Variants in CTNND2 observed in about 807,000 individuals in gnomAD.
CTNND2 encodes catenin delta 2.
In CTNND2, 22 loss-of-function variants were observed where a neutral mutation model predicts 144.4. The ratio of observed to expected loss-of-function variants is 0.15; its 90% CI spans 0.11 to 0.22. CTNND2 has a LOEUF of 0.22. Among genes scored for constraint, CTNND2 ranks in the 10% least tolerant of loss-of-function variants. CTNND2 has a pLI of 1.00. For synonymous variants in CTNND2, 751 were observed against 695.6 expected (o/e 1.08, Z -1.25); for missense variants, 1,353 against 1,618.8 (o/e 0.84, Z 2.82).
intron 16 of CTNND2, among the ~76,000 whole-genome samples, chr5:11,062,019 T>C (rs1747044409): frequency 6.6e-6 from 1 of 152,224 alleles, no homozygotes; most frequent in South Asian, 2.1e-4. Context: ...TGTTTGCTTA[T>C]TTTTGAGACT....
rs183186755 is a variant in CTNND2 at position 11,881,185 on chromosome 5, T to C, written c.37+22632A>G. 5.0e-3 allele frequency among the ~76,000 whole-genome samples: 766 copies of C among 152,084 alleles called. 7 individuals are homozygous for C. The highest frequency in any genetic ancestry group is 0.018 in the African/African-American group (741 of 41,520). ...ATTTTTAATTGCCACCTAAGAATTATACATATTTATGGCATACACGTGCTA... is the reference window on the plus strand; with the variant it reads ...ATTTTTAATTGCCACCTAAGAATTACACATATTTATGGCATACACGTGCTA... On this transcript the variant is annotated intron_variant, in intron 1 of 21. Coordinates refer to ENST00000304623, the MANE Select transcript of CTNND2 (RefSeq NM_001332.4).
chr5:11,592,903 T>C (rs1182246899), intron 2 of CTNND2, among the ~76,000 whole-genome samples: 1 of 149,808 alleles, frequency 6.7e-6, no homozygotes, highest in Non-Finnish European at 1.5e-5. Flanking sequence ...GGTATCCACA[T>C]AAGGAGAGAC....
At chr5:11,601,214 T>A (rs1023566912) in intron 2 of CTNND2, among the ~76,000 whole-genome samples, 3 of 152,200 alleles carry the variant, frequency 2.0e-5, no homozygotes, top group Non-Finnish European at 2.9e-5. Context: ...GCAAAATATT[T>A]GAGAACAACA....
intron 10 of CTNND2, among the ~76,000 whole-genome samples, chr5:11,212,999 A>T (rs1362727903): frequency 6.6e-6 from 1 of 152,244 alleles, no homozygotes; most frequent in Non-Finnish European, 1.5e-5. Flanking sequence ...GAGCTGGTTC[A>T]AAAGAAGGAA....
intron 3 of CTNND2, among the ~76,000 whole-genome samples, chr5:11,495,815 A>C (rs1191015530): frequency 1.3e-5 from 2 of 152,152 alleles, no homozygotes. Flanking sequence ...GCTCTTGCTG[A>C]CATCTGAGGA....
At chr5:11,744,408 A>G (rs1341680472) in intron 1 of CTNND2, among the ~76,000 whole-genome samples, 1 of 152,162 alleles carries the variant, frequency 6.6e-6, no homozygotes, top group East Asian at 1.9e-4. Context: ...CAGATCTCTC[A>G]ACAGCAATCA....
intron 15 of CTNND2, among the ~76,000 whole-genome samples, chr5:11,088,268 T>G (rs1351488287): frequency 6.6e-6 from 1 of 152,156 alleles, no homozygotes; most frequent in Non-Finnish European, 1.5e-5. Context: ...GTAACAGTGA[T>G]GCATGAATAC....
intron 9 of CTNND2, among the ~76,000 whole-genome samples, chr5:11,273,204 C>T (rs1232777172): frequency 3.3e-5 from 5 of 152,216 alleles, no homozygotes; most frequent in African/African-American, 1.2e-4. Flanking sequence ...TCTGGCCCTT[C>T]ACAGAACATT....
intron 2 of CTNND2, among the ~76,000 whole-genome samples, chr5:11,581,316 C>A (rs1209348902): frequency 6.6e-6 from 1 of 152,120 alleles, no homozygotes; most frequent in East Asian, 1.9e-4. Flanking sequence ...CTGTATCAAA[C>A]ATATGCATAT....
intron 3 of CTNND2, among the ~76,000 whole-genome samples, chr5:11,430,018 G>A (rs1051774843): frequency 5.9e-5 from 9 of 152,006 alleles, no homozygotes; most frequent in Non-Finnish European, 1.0e-4. Flanking sequence ...TTGGGAGGCC[G>A]AGGTGGGTGG....
intron 20 of CTNND2, chr5:10,986,585 C>G (rs1179990968): frequency 2.2e-6 from 1 of 452,422 alleles, no homozygotes; most frequent in Non-Finnish European, 4.4e-6. Context: ...TTCTTTGTTC[C>G]TGTTCATCTA....
At chr5:11,721,223 T>C (rs984327931) in intron 2 of CTNND2, among the ~76,000 whole-genome samples, 4 of 152,198 alleles carry the variant, frequency 2.6e-5, no homozygotes, top group Non-Finnish European at 4.4e-5. Flanking sequence ...GAAAAGACCA[T>C]ATATTTATAA....
intron 14 of CTNND2, among the ~76,000 whole-genome samples, chr5:11,106,956 A>G (rs1752484069): frequency 6.6e-6 from 1 of 152,146 alleles, no homozygotes. Flanking sequence ...AATCGTGACC[A>G]TGGGGAGGAA....
At chr5:11,125,251 G>C (rs1019525288) in intron 12 of CTNND2, among the ~76,000 whole-genome samples, 1 of 152,152 alleles carries the variant, frequency 6.6e-6, no homozygotes, top group African/African-American at 2.4e-5. Context: ...GAGGTTGCAG[G>C]GCTAGGGGGG....
chr5:11,446,964 C>T (rs1056882558), intron 3 of CTNND2, among the ~76,000 whole-genome samples: 1 of 152,004 alleles, frequency 6.6e-6, no homozygotes. Context: ...TCTCTTCTTC[C>T]CTATCCCCCC....
chr5:11,855,422 T>C (rs551023714), intron 1 of CTNND2, among the ~76,000 whole-genome samples: 1 of 152,330 alleles, frequency 6.6e-6, no homozygotes, highest in African/African-American at 2.4e-5. Context: ...GGATGCACTA[T>C]GATACGTGCT....
At chr5:11,187,106 G>T (rs1735709660) in intron 11 of CTNND2, among the ~76,000 whole-genome samples, 1 of 152,270 alleles carries the variant, frequency 6.6e-6, no homozygotes, top group African/African-American at 2.4e-5. Flanking sequence ...GTGACATATT[G>T]GCTCTAGAGG....
intron 7 of CTNND2, among the ~76,000 whole-genome samples, chr5:11,375,289 A>G (rs1404023513): frequency 6.6e-6 from 1 of 152,140 alleles, no homozygotes; most frequent in Non-Finnish European, 1.5e-5. Flanking sequence ...AGACACCCTA[A>G]CTCTCAACAT....
chr5:11,719,857 C>T (rs1240193045), intron 2 of CTNND2, among the ~76,000 whole-genome samples: 1 of 151,530 alleles, frequency 6.6e-6, no homozygotes, highest in Non-Finnish European at 1.5e-5. Context: ...CACACACACA[C>T]ACACACACAC....
Sources: allele counts gnomAD v4.1 joint callset (sites outside exome capture counted in the v4.1 genomes callset), GRCh38; gene constraint gnomAD v4.1.1; transcripts MANE v1.5; gene names NCBI Gene and HGNC (gene_info 2026-07-23, HGNC 2026-07-21).